The following USP49 variants were observed in gnomAD, a reference collection of about 807,000 sequenced individuals.
USP49 encodes the protein ubiquitin carboxyl-terminal hydrolase 49.
In USP49, 24 loss-of-function variants were observed where a neutral mutation model predicts 58.6. That is an observed-to-expected ratio of 0.41 (90% CI 0.30 to 0.58). The LOEUF (loss-of-function observed/expected upper bound fraction) is 0.58. Among genes scored for constraint, USP49 ranks in the 20% least tolerant of loss-of-function variants. USP49 has a pLI of 0.30. For missense variants in USP49, 703 were observed against 866.1 expected, an observed-to-expected ratio of 0.81 and a Z score of 2.36; for synonymous variants, 408 against 365.1, an observed-to-expected ratio of 1.12 and a Z score of -1.34.
At chr6:41,823,952 G>A (rs573406391) in intron 3 of USP49, among the ~76,000 whole-genome samples, 4 of 152,230 alleles carry the variant, frequency 2.6e-5, no homozygotes, top group African/African-American at 9.6e-5. Context: ...TTTAAAAGGT[G>A]CACTATAAGC....
chr6:41,823,734 C>T (rs908753714), intron 3 of USP49, among the ~76,000 whole-genome samples: 2 of 152,158 alleles, frequency 1.3e-5, no homozygotes, highest in Non-Finnish European at 2.9e-5. Flanking sequence ...AAGAGATCTT[C>T]CTTCCCCTCA....
chr6:41,832,110 G>A (rs1006898098), intron 3 of USP49, among the ~76,000 whole-genome samples: 7 of 151,558 alleles, frequency 4.6e-5, no homozygotes, highest in African/African-American at 1.5e-4. Context: ...GGCAAAGTCT[G>A]TACTGTTTTT....
Position 41,803,197 on chromosome 6 carries a change from T to A in USP49, c.1561+609A>T, listed in dbSNP as rs1773050505. ...GCACTAAGAAGCTAAGTACTAACAT[T>A]CTCAGAGTCCCCATTTCAGGAGCCA... On this transcript the variant is annotated intron_variant, in intron 5 of 7. Coordinates refer to ENST00000682992, the MANE Select transcript of USP49 (RefSeq NM_001286554.2). The surrounding 1 kb of genome is among the most constrained non-coding windows in gnomAD (Gnocchi z 4.1). 6.6e-6 allele frequency among the ~76,000 whole-genome samples: 1 copy of A among 152,198 alleles called. No homozygotes were observed. Among genetic ancestry groups the A allele is most frequent in the Non-Finnish European group, 1.5e-5 (1 of 68,026 alleles).
rs778858006 is a variant in USP49, at chr6:41,791,050, A to G, written c.*5483T>C. The G allele has an allele frequency of 1.3e-5, 2 of 152,232 alleles. No individual in the cohort carries two copies. The highest frequency in any genetic ancestry group is 2.9e-5 in the Non-Finnish European group (2 of 68,044). The allele number at this position is 152,232 out of a possible 1,614,324, so 9.4% of individuals were successfully genotyped here. ...CCTGTTCTTTATAGGAATGAAACTT[A>G]GATCCTTAAAGGCTGCTACCTGATA... On this transcript the variant is annotated 3_prime_UTR_variant, in exon 8 of 8. Transcript: ENST00000682992.
Position 41,807,030 on chromosome 6 carries a change from CAAAAAAGAAAAA to C in USP49, c.-28-31_-28-20del, listed in dbSNP as rs1773151185. ...TCTCAACCTGGCACGACAGAGTCCCCAAAAAAGAAAAAGAAAAAGAAAACACTTTTAGAAAAA... is the reference window on the plus strand; with the variant it reads ...TCTCAACCTGGCACGACAGAGTCCCCGAAAAAGAAAACACTTTTAGAAAAA... On this transcript the variant is annotated intron_variant, in intron 3 of 7. Coordinates refer to ENST00000682992, the MANE Select transcript of USP49 (RefSeq NM_001286554.2). 7.6e-7 allele frequency: 1 copy of C among 1,315,514 alleles called. No individual in the cohort carries two copies. The highest frequency in any genetic ancestry group is 1.6e-5 in the African/African-American group (1 of 63,414). The allele number at this position is 1,315,514 out of a possible 1,614,324, so 81.5% of individuals were successfully genotyped here. A position where few individuals can be genotyped will look rare whatever the true frequency, so the allele number is the denominator to read the frequency against.
chr6:41,845,089 C>T (rs1057394398), intron 3 of USP49, among the ~76,000 whole-genome samples: 7 of 152,004 alleles, frequency 4.6e-5, no homozygotes, highest in East Asian at 1.9e-4. Flanking sequence ...TTAGTAGAGA[C>T]GCTGTTTCAC....
chr6:41,819,562 A>G (rs1253850592), intron 3 of USP49, among the ~76,000 whole-genome samples: 1 of 152,216 alleles, frequency 6.6e-6, no homozygotes, highest in Non-Finnish European at 1.5e-5. Context: ...TATGAAAATT[A>G]TACCTCAGTA....
At chr6:41,885,888 G>A (rs79272811) in intron 2 of USP49, among the ~76,000 whole-genome samples, 218 of 152,282 alleles carry the variant, frequency 1.4e-3, no homozygotes, top group African/African-American at 5.1e-3. Context: ...GGGATTTTCA[G>A]CATGGAGCAG....
intron 3 of USP49, among the ~76,000 whole-genome samples, chr6:41,852,648 AC>A (rs1774050680): frequency 6.6e-6 from 1 of 152,168 alleles, no homozygotes; most frequent in Admixed American, 6.5e-5. Flanking sequence ...TGTTAATCCT[AC>A]CAAAAGCAAT....
chr6:41,803,705 A>G lies in USP49; in HGVS notation c.1561+101T>C. 1 of 1,251,822 alleles carries G rather than the reference A, an allele frequency of 8.0e-7. No individual in the cohort carries two copies. The highest frequency in any genetic ancestry group is 2.3e-5 in the East Asian group (1 of 42,836). The allele number at this position is 1,251,822 out of a possible 1,614,324, so 77.5% of individuals were successfully genotyped here. On this transcript the variant is annotated intron_variant, in intron 5 of 7. Coordinates refer to ENST00000682992, the MANE Select transcript of USP49 (RefSeq NM_001286554.2). This position sits in a 1 kb window ranked among gnomAD's most constrained non-coding sequence, Gnocchi z 4.1. ...AAAAGATGCTTTAGAACCATTCAAT[A>G]TCATTAGTGTTACTTTTGACTAAAG...
In USP49 at chr6:41,799,913, T is replaced by C. The variant is rs746372827; in HGVS notation, c.1587A>G (p.Lys529=). ...CNSKRRKSNP[K]PLVLSEARKQ... The stretch of plus-strand genomic sequence containing the variant: ...TTCTAGCTTCACTCAGAACAAGGGG[T>C]TTGGGATTGGATTTTCGTCGTTTGC... The change falls in exon 6 of 8, where the codon AAA becomes AAG. Residue 529 remains lysine, a synonymous_variant. Transcript: ENST00000682992. 12 of 1,613,894 alleles carry C rather than the reference T, an allele frequency of 7.4e-6. No individual in the cohort carries two copies. The highest frequency in any genetic ancestry group is 1.0e-5 in the Non-Finnish European group (12 of 1,179,916).
At chr6:41,862,798 C>T (rs1774245624) in intron 3 of USP49, among the ~76,000 whole-genome samples, 1 of 152,252 alleles carries the variant, frequency 6.6e-6, no homozygotes, top group South Asian at 2.1e-4. Flanking sequence ...TATTTTGAGA[C>T]AGAGTCACTC....
At position 41,791,285 on chromosome 6, in the gene USP49, T is replaced by A. The variant is rs181874490; in HGVS notation, c.*5248A>T. ...CATTTATTTATTTATTAAATTTTTA[T>A]ACATTTTTGAAAAGATTTCAAATCT... On this transcript the variant is annotated 3_prime_UTR_variant, in exon 8 of 8. Transcript: ENST00000682992. 2 of 152,354 alleles carry A rather than the reference T, an allele frequency of 1.3e-5. No individual in the cohort carries two copies. Among genetic ancestry groups the A allele is most frequent in the African/African-American group, 4.8e-5 (2 of 41,580 alleles). 9.4% of individuals were successfully genotyped at this position (152,354 alleles called of 1,614,324 possible).
intron 2 of USP49, among the ~76,000 whole-genome samples, chr6:41,871,996 G>A (rs773355560): frequency 9.9e-5 from 15 of 152,164 alleles, no homozygotes; most frequent in Non-Finnish European, 2.2e-4. Context: ...AAAAATACTC[G>A]AATATCAAAA....
chr6:41,798,924 G>A lies in USP49; in HGVS notation c.1676C>T (p.Ser559Phe). The change falls in exon 7 of 8, where the codon TCT becomes TTT. Residue 559 changes from serine to phenylalanine, a missense_variant. Physicochemically the swap from Ser to Phe is radical, Grantham distance 155 (BLOSUM62 -2). Around this residue, in one of 6 missense-constraint regions of USP49, gnomAD observed 158 missense variants for 241.2 expected, o/e 0.66. Coordinates refer to ENST00000682992, the MANE Select transcript of USP49 (RefSeq NM_001286554.2). ...LRLHLKRFRW[S>F]GRNHREKIGV... ...AATCTTCTCTCGATGATTACGGCCA[G>A]ACCACCTAGAACATGGATATAAGCT... The A allele has an allele frequency of 1.9e-6, 3 of 1,613,078 alleles. No individual in the cohort carries two copies. Among genetic ancestry groups the A allele is most frequent in the Non-Finnish European group, 1.7e-6 (2 of 1,179,758 alleles).
chr6:41,886,499 T>C (rs1774713903), intron 2 of USP49: 1 of 152,210 alleles, frequency 6.6e-6, no homozygotes, highest in African/African-American at 2.4e-5. Flanking sequence ...TCTAATTAGC[T>C]CTAACAGGGA....
intron 2 of USP49, among the ~76,000 whole-genome samples, chr6:41,887,670 C>T (rs1774737267): frequency 6.6e-6 from 1 of 152,130 alleles, no homozygotes; most frequent in Non-Finnish European, 1.5e-5. Context: ...ATGTGCTAAC[C>T]AACATCTGCC....
chr6:41,856,514 G>A (rs1238260201), intron 3 of USP49, among the ~76,000 whole-genome samples: 1 of 152,080 alleles, frequency 6.6e-6, no homozygotes, highest in East Asian at 1.9e-4. Context: ...TGCAGAATTT[G>A]CAGAAGAAAC....
chr6:41,883,703 A>T (rs1392976726), intron 2 of USP49, among the ~76,000 whole-genome samples: 2 of 152,184 alleles, frequency 1.3e-5, no homozygotes, highest in East Asian at 3.9e-4. Flanking sequence ...AATGTGGATA[A>T]TACCAAGTGT....
Sources: gnomAD v4.1 joint callset for allele counts (sites outside exome capture counted in the v4.1 genomes callset) on GRCh38, gnomAD v4.1.1 for gene constraint, gnomAD v4.1.1 regional missense constraint, Gnocchi (gnomAD v3.1) non-coding constraint, MANE v1.5 for transcripts, NCBI Gene and HGNC (gene_info 2026-07-23, HGNC 2026-07-21) for gene names.